The following NTM variants were observed in gnomAD, a reference collection of about 807,000 sequenced individuals.
NTM encodes the protein neurotrimin, also known as IgLON family member 2.
A neutral mutation model predicts 42.1 loss-of-function variants in NTM; 13 were observed. The ratio of observed to expected loss-of-function variants is 0.31; its 90% confidence interval spans 0.20 to 0.49. The LOEUF (loss-of-function observed/expected upper bound fraction) is 0.49. Among genes scored for constraint, NTM ranks in the 20% least tolerant of loss-of-function variants. The pLI, the probability that NTM is intolerant of heterozygous loss-of-function variation, is 0.99. For synonymous variants in NTM, 187 were observed against 179.2 expected, an observed-to-expected ratio of 1.04 and a Z score of -0.35; for missense variants, 373 against 452.8, an observed-to-expected ratio of 0.82 and a Z score of 1.60.
In NTM at chr11:132,259,327, G is replaced by GA. The variant is rs199788080; in HGVS notation, c.526+47187dup. Among the ~76,000 whole-genome samples, 280 of 152,172 alleles carry GA rather than the reference G, an allele frequency of 1.8e-3. 3 individuals carry two copies. In the East Asian group the frequency reaches 0.022, roughly 12 times the overall value. On this transcript the variant is annotated intron_variant, in intron 4 of 8. Coordinates refer to ENST00000683400, the MANE Select transcript of NTM (RefSeq NM_001352005.2). ...GAGGAACCTCTGAAGAAGCTCAAAT[G>GA]AAAAAAAGAAATGTAGAAACTGCAC...
chr11:132,111,381 CAA>C (rs1349132538), intron 2 of NTM, among the ~76,000 whole-genome samples: 1 of 151,972 alleles, frequency 6.6e-6, no homozygotes, highest in Non-Finnish European at 1.5e-5. Context: ...AAAACAAAAA[CAA>C]AACAAGCCTT....
At chr11:131,387,295 G>GCTCTCT in intron 1 of NTM, among the ~76,000 whole-genome samples, 1 of 148,892 alleles carries the variant, frequency 6.7e-6, no homozygotes, top group Admixed American at 6.7e-5. Context: ...CTTTCTTGGA[G>GCTCTCT]CTCTCTCTCT....
At chr11:132,156,870 G>GATTTGTAAA (rs2073302647) in intron 3 of NTM, among the ~76,000 whole-genome samples, 1 of 152,182 alleles carries the variant, frequency 6.6e-6, no homozygotes. Context: ...CTTTACAAAA[G>GATTTGTAAA]GGAGGCAGAG....
At chr11:131,623,897 G>A (rs982361871) in intron 1 of NTM, among the ~76,000 whole-genome samples, 46 of 152,244 alleles carry the variant, frequency 3.0e-4, no homozygotes, top group Non-Finnish European at 5.6e-4. Flanking sequence ...CCGTAGCTGG[G>A]CAGGAGGAAA....
intron 2 of NTM, among the ~76,000 whole-genome samples, chr11:132,023,974 A>G (rs1417139187): frequency 1.3e-5 from 2 of 151,910 alleles, no homozygotes; most frequent in Non-Finnish European, 2.9e-5. Flanking sequence ...GTGTGCCACC[A>G]TGCCCAGCTA....
chr11:131,948,389 C>CA (rs1657670166), intron 2 of NTM, among the ~76,000 whole-genome samples: 1 of 150,822 alleles, frequency 6.6e-6, no homozygotes, highest in Non-Finnish European at 1.5e-5. Context: ...AACAAAAAAA[C>CA]AAAAAAAAGA....
At chr11:131,599,680 C>A (rs2060298431) in intron 1 of NTM, among the ~76,000 whole-genome samples, 1 of 152,164 alleles carries the variant, frequency 6.6e-6, no homozygotes, top group South Asian at 2.1e-4. Flanking sequence ...TTATGGCTCA[C>A]AACAATGAAA....
At chr11:131,736,040 C>T (rs544577786) in intron 1 of NTM, among the ~76,000 whole-genome samples, 1 of 152,076 alleles carries the variant, frequency 6.6e-6, no homozygotes, top group Non-Finnish European at 1.5e-5. Flanking sequence ...GCCATGTTGG[C>T]CAGGCTGGTC....
intron 2 of NTM, among the ~76,000 whole-genome samples, chr11:132,143,743 A>C (rs532000446): frequency 1.3e-4 from 20 of 152,274 alleles, no homozygotes; most frequent in African/African-American, 1.7e-4. Flanking sequence ...ATTACTAGCA[A>C]AGCAAGCTGC....
At chr11:131,737,967 A>C (rs992860487) in intron 1 of NTM, among the ~76,000 whole-genome samples, 12 of 152,206 alleles carry the variant, frequency 7.9e-5, no homozygotes, top group Admixed American at 2.6e-4. Flanking sequence ...ATATGCCTGC[A>C]CAGGGGCCAA....
In NTM at chr11:132,141,879, C is replaced by T. The variant is rs537162268; in HGVS notation, c.168-4403C>T. Among the ~76,000 whole-genome samples, 191 of 152,204 alleles carry T rather than the reference C, an allele frequency of 1.3e-3. No homozygotes were observed. The South Asian group carries it at 0.019, about 15-fold the overall frequency. ...GGGGCCACACACAGGAGGGGAAGGC[C>T]GCAGGAGGGATGCTGATGGGAAAAC... On this transcript the variant is annotated intron_variant, in intron 2 of 8. Coordinates refer to ENST00000683400, the MANE Select transcript of NTM (RefSeq NM_001352005.2).
At chr11:131,891,475 G>A (rs983585881) in intron 1 of NTM, among the ~76,000 whole-genome samples, 1 of 152,158 alleles carries the variant, frequency 6.6e-6, no homozygotes, top group African/African-American at 2.4e-5. Context: ...CAAAAAAAGA[G>A]GCCTTTTCAA....
chr11:131,565,024 CCTT>C (rs1268944293), intron 1 of NTM, among the ~76,000 whole-genome samples: 1 of 152,234 alleles, frequency 6.6e-6, no homozygotes, highest in Non-Finnish European at 1.5e-5. Flanking sequence ...ACGACATACT[CCTT>C]CTTTGGTCCT....
intron 3 of NTM, among the ~76,000 whole-genome samples, chr11:132,152,104 C>G (rs1442450723): frequency 1.3e-5 from 2 of 152,208 alleles, no homozygotes; most frequent in Non-Finnish European, 2.9e-5. Context: ...GACCCCTCCC[C>G]ACTCTGAATC....
chr11:131,999,280 G>A (rs1408291475), intron 2 of NTM, among the ~76,000 whole-genome samples: 1 of 152,092 alleles, frequency 6.6e-6, no homozygotes, highest in Non-Finnish European at 1.5e-5. Context: ...GCTTGTGGGA[G>A]TACCATTCTG....
intron 2 of NTM, among the ~76,000 whole-genome samples, chr11:132,012,064 G>A (rs1311452761): frequency 6.6e-6 from 1 of 152,098 alleles, no homozygotes; most frequent in African/African-American, 2.4e-5. Flanking sequence ...GAAGCTCCTT[G>A]AGGGCAGAAG....
intron 1 of NTM, among the ~76,000 whole-genome samples, chr11:131,767,684 C>T (rs1365003066): frequency 6.6e-6 from 1 of 152,218 alleles, no homozygotes; most frequent in African/African-American, 2.4e-5. Context: ...GTGACCTCAA[C>T]TTTCCAGCAT....
At chr11:131,471,255 T>C (rs1952411642) in intron 1 of NTM, among the ~76,000 whole-genome samples, 1 of 152,188 alleles carries the variant, frequency 6.6e-6, no homozygotes, top group Non-Finnish European at 1.5e-5. Flanking sequence ...CAATGCACAG[T>C]TCTGTTTACC....
intron 1 of NTM, among the ~76,000 whole-genome samples, chr11:131,618,685 C>G (rs566282692): frequency 6.6e-6 from 1 of 152,182 alleles, no homozygotes; most frequent in Non-Finnish European, 1.5e-5. Context: ...TAGTTACACA[C>G]GTTCTATAAT....
Sources: allele counts gnomAD v4.1 joint callset (sites outside exome capture counted in the v4.1 genomes callset), GRCh38; gene constraint gnomAD v4.1.1; transcripts MANE v1.5; gene names NCBI Gene and HGNC (gene_info 2026-07-23, HGNC 2026-07-21).